Variants in HTR1A observed in about 807,000 individuals in gnomAD.
HTR1A encodes the protein 5-hydroxytryptamine receptor 1A, also known as 5-HT1a receptor.
HTR1A carries 17 observed loss-of-function variants against 24.6 expected under a neutral mutation model. The ratio of observed to expected loss-of-function variants is 0.69; its 90% CI spans 0.47 to 1.04. The LOEUF (loss-of-function observed/expected upper bound fraction) is 1.04. Among genes scored for constraint, HTR1A ranks in the 50% least tolerant of loss-of-function variants. The probability of loss-of-function intolerance (pLI) is 0.00; values close to 1 mark genes in which losing one functional copy is unlikely to be tolerated. For synonymous variants in HTR1A, 262 were observed against 244.6 expected, an observed-to-expected ratio of 1.07 and a Z score of -0.67; for missense variants, 515 against 565.1, an observed-to-expected ratio of 0.91 and a Z score of 0.90.
At position 63,961,900 on chromosome 5, in the gene HTR1A, G is replaced by A; in HGVS notation, c.-181C>T. The A allele has an allele frequency of 1.5e-6, 1 of 651,918 alleles. No individual in the cohort carries two copies. The highest frequency in any genetic ancestry group is 2.7e-6 in the Non-Finnish European group (1 of 366,770). The allele number at this position is 651,918 out of a possible 1,614,324, so 40.4% of individuals were successfully genotyped here. ...GGTATCTCCGAGGAGCAGCTTTCAG[G>A]CGCTCCCTGGGCTCTCGCAGTCCAG... On this transcript the variant is annotated 5_prime_UTR_variant, in exon 1 of 1. Coordinates refer to ENST00000323865, the MANE Select transcript of HTR1A (RefSeq NM_000524.4).
In HTR1A at chr5:63,962,120, G is replaced by A. The variant is rs1746453083; in HGVS notation, c.-401C>T. ...TCCCAGAAATATCTAGAACCGAGAAGCCCCATCCTCCACGGTCACTCTGTG... is the reference window on the plus strand; with the variant it reads ...TCCCAGAAATATCTAGAACCGAGAAACCCCATCCTCCACGGTCACTCTGTG... On this transcript the variant is annotated 5_prime_UTR_variant, in exon 1 of 1. Coordinates refer to ENST00000323865, the MANE Select transcript of HTR1A (RefSeq NM_000524.4). 3.0e-6 allele frequency: 1 copy of A among 333,092 alleles called. No individual in the cohort carries two copies. Among genetic ancestry groups the A allele is most frequent in the African/African-American group, 2.1e-5 (1 of 46,696 alleles). 20.6% of individuals were successfully genotyped at this position (333,092 alleles called of 1,614,324 possible). A position where few individuals can be genotyped will look rare whatever the true frequency, so the allele number is the denominator to read the frequency against.
rs1458107144 is a variant in HTR1A at position 63,962,116 on chromosome 5, A to G, written c.-397T>C. On this transcript the variant is annotated 5_prime_UTR_variant, in exon 1 of 1. Transcript: ENST00000323865. ...CCAATCCCAGAAATATCTAGAACCG[A>G]GAAGCCCCATCCTCCACGGTCACTC... is the stretch of plus-strand genomic sequence containing the variant. The G allele has an allele frequency of 5.9e-6, 2 of 337,010 alleles. No individual in the cohort carries two copies. Among genetic ancestry groups the G allele is most frequent in the Admixed American group, 4.3e-5 (1 of 23,078 alleles). The allele number at this position is 337,010 out of a possible 1,614,324, so 20.9% of individuals were successfully genotyped here. A position where few individuals can be genotyped will look rare whatever the true frequency, so the allele number is the denominator to read the frequency against.
Position 63,960,879 on chromosome 5 carries a change from C to T in HTR1A, c.841G>A (p.Val281Met). 2 of 1,614,016 alleles carry T rather than the reference C, an allele frequency of 1.2e-6. No homozygotes were observed. Among genetic ancestry groups the T allele is most frequent in the Non-Finnish European group, 1.7e-6 (2 of 1,179,874 alleles). ...GCGGCGCCATCGTCACCTTGCCTCACCGCGCCATTGGCGCACAGAGCACCC... is the reference window on the plus strand; with the variant it reads ...GCGGCGCCATCGTCACCTTGCCTCATCGCGCCATTGGCGCACAGAGCACCC... ...AGGALCANGA[V>M]RQGDDGAALE... Residue 281 changes from valine to methionine, a missense_variant, in exon 1 of 1, where the codon GTG (valine) becomes ATG (methionine). Around this residue, in one of 3 missense-constraint regions of HTR1A, gnomAD observed 381 missense variants for 384.5 expected, o/e 0.99. Transcript: ENST00000323865.
rs968465007 is a variant in HTR1A at position 63,958,168 on chromosome 5, T to C, written c.*2283A>G. ...AGTGTAACATACAGAAAAACTTGGT[T>C]TCTGATATGGCTTTACTTAGATTAT... On this transcript the variant is annotated 3_prime_UTR_variant, in exon 1 of 1. Transcript: ENST00000323865. 1.3e-5 allele frequency among the ~76,000 whole-genome samples: 2 copies of C among 152,252 alleles called. No individual in the cohort carries two copies. Among genetic ancestry groups the C allele is most frequent in the Admixed American group, 1.3e-4 (2 of 15,292 alleles).
Position 63,961,765 on chromosome 5 carries a change from C to A in HTR1A, c.-46G>T, listed in dbSNP as rs1431169637. On this transcript the variant is annotated 5_prime_UTR_variant, in exon 1 of 1. Transcript: ENST00000323865. ...AAGGGGGAGGGAAGAAAAAGCAGCG[C>A]GAAGATTCGCCTCGCCCCTTCCCCT... 6.2e-7 allele frequency: 1 copy of A among 1,600,736 alleles called. No homozygotes were observed.
rs1173384239 is a variant in HTR1A, at chr5:63,958,540, C to G, written c.*1911G>C. On this transcript the variant is annotated 3_prime_UTR_variant, in exon 1 of 1. Transcript: ENST00000323865. ...TCTCAAAACAGCAAATGAAAACATT[C>G]GAAAGGTACAGCTGAAGAGAGAAAA... Among the ~76,000 whole-genome samples the G allele has an allele frequency of 6.6e-6, 1 of 152,112 alleles. No individual in the cohort carries two copies. Among genetic ancestry groups the G allele is most frequent in the Non-Finnish European group, 1.5e-5 (1 of 68,028 alleles).
In HTR1A at chr5:63,959,794, T is replaced by A. The variant is rs1408537726; in HGVS notation, c.*657A>T. On this transcript the variant is annotated 3_prime_UTR_variant, in exon 1 of 1. Transcript: ENST00000323865. ...GTTGTGCACTGCACGAGAGAGTTAATCTCAAGTCTGCGAGAAGACGGGGAA... is the reference window on the plus strand; with the variant it reads ...GTTGTGCACTGCACGAGAGAGTTAAACTCAAGTCTGCGAGAAGACGGGGAA... 6.6e-6 allele frequency among the ~76,000 whole-genome samples: 1 copy of A among 152,160 alleles called. No homozygotes were observed. Among genetic ancestry groups the A allele is most frequent in the Admixed American group, 6.5e-5 (1 of 15,282 alleles).
chr5:63,960,614 G>A lies in HTR1A; in HGVS notation c.1106C>T (p.Pro369Leu), dbSNP rs765486347. 1 of 1,614,258 alleles carries A rather than the reference G, an allele frequency of 6.2e-7. No homozygotes were observed. Among genetic ancestry groups the A allele is most frequent in the South Asian group, 1.1e-5 (1 of 91,090 alleles). ...CATGTGGCAGCTGCTCTCGCAGAAG[G>A]GCAGAACAAGAGCCACGATGAAGAA... ...LPFFIVALVL[P>L]FCESSCHMPT... The change falls in exon 1 of 1, where the codon CCC (proline) becomes CTC (leucine). Residue 369 changes from proline (P) to leucine (L), a missense_variant. Physicochemically the swap from Pro to Leu is moderately conservative, Grantham distance 98. Around this residue, in one of 3 missense-constraint regions of HTR1A, gnomAD observed 381 missense variants for 384.5 expected, o/e 0.99. Coordinates refer to ENST00000323865, the MANE Select transcript of HTR1A (RefSeq NM_000524.4).
At position 63,961,445 on chromosome 5, in the gene HTR1A, A is replaced by G. The variant is rs201953609; in HGVS notation, c.275T>C (p.Met92Thr). 7.4e-6 allele frequency: 12 copies of G among 1,613,864 alleles called. No individual in the cohort carries two copies. Among genetic ancestry groups the G allele is most frequent in the Non-Finnish European group, 9.3e-6 (11 of 1,179,892 alleles). Residue 92 changes from methionine (M) to threonine (T), a missense_variant, in exon 1 of 1, where the codon ATG becomes ACG. Physicochemically the swap from Met to Thr is moderately conservative, Grantham distance 81. Transcript: ENST00000323865. Reference protein sequence around the residue: ...DLMVSVLVLPMAALYQVLNKW... With the variant: ...DLMVSVLVLPTAALYQVLNKW... ...GTTGAGCACCTGATACAGCGCGGCC[A>G]TGGGCAGCACCAACACCGACACCAT...
Position 63,962,012 on chromosome 5 carries a change from C to G in HTR1A, c.-293G>C, listed in dbSNP as rs1449616480. The G allele has an allele frequency of 3.0e-5, 15 of 499,578 alleles. No individual in the cohort carries two copies. The highest frequency in any genetic ancestry group is 5.5e-5 in the Non-Finnish European group (15 of 273,290). 30.9% of individuals were successfully genotyped at this position (499,578 alleles called of 1,614,324 possible). A position where few individuals can be genotyped will look rare whatever the true frequency, so the allele number is the denominator to read the frequency against. ...GGCGGCGGAGAGGTGGCTGGAACGTCTGTCTGTCGCTGTCCATTTTACTTT... is the reference window on the plus strand; with the variant it reads ...GGCGGCGGAGAGGTGGCTGGAACGTGTGTCTGTCGCTGTCCATTTTACTTT... On this transcript the variant is annotated 5_prime_UTR_variant, in exon 1 of 1. Transcript: ENST00000323865.
At position 63,957,989 on chromosome 5, in the gene HTR1A, A is replaced by G. The variant is rs532260208; in HGVS notation, c.*2462T>C. ...AAATATTCCAAAGCCGAAAGAACAA[A>G]TGTCCAAAAGTCATTGTCACACAAT... On this transcript the variant is annotated 3_prime_UTR_variant, in exon 1 of 1. Coordinates refer to ENST00000323865, the MANE Select transcript of HTR1A (RefSeq NM_000524.4). The G allele has an allele frequency of 6.0e-4, 91 of 152,342 alleles. No individual in the cohort carries two copies. The highest frequency in any genetic ancestry group is 1.2e-3 in the Admixed American group (19 of 15,304). The allele number at this position is 152,342 out of a possible 1,614,324, so 9.4% of individuals were successfully genotyped here.
rs1746416134 is a variant in HTR1A at position 63,960,852 on chromosome 5, G to A, written c.868C>T (p.Leu290=). The change falls in exon 1 of 1, where the codon CTG becomes TTG. Residue 290 remains leucine (L), a synonymous_variant. Transcript: ENST00000323865. ...ACTCGGTGCACCTCGATCACCTCCA[G>A]GGCGGCGCCATCGTCACCTTGCCTC... ...AVRQGDDGAA[L]EVIEVHRVGN... is the part of the protein sequence containing the mutation. The A allele has an allele frequency of 6.2e-7, 1 of 1,614,016 alleles. No individual in the cohort carries two copies. Among genetic ancestry groups the A allele is most frequent in the Admixed American group, 1.7e-5 (1 of 60,012 alleles).
At position 63,960,180 on chromosome 5, in the gene HTR1A, A is replaced by G. The variant is rs1205382768; in HGVS notation, c.*271T>C. ...GAGGCAATTACTGGGATCAAAACTGATGATACAGGCGAAGTCTGAGCCAAT... is the reference window on the plus strand; with the variant it reads ...GAGGCAATTACTGGGATCAAAACTGGTGATACAGGCGAAGTCTGAGCCAAT... On this transcript the variant is annotated 3_prime_UTR_variant, in exon 1 of 1. Coordinates refer to ENST00000323865, the MANE Select transcript of HTR1A (RefSeq NM_000524.4). Among the ~76,000 whole-genome samples the G allele has an allele frequency of 1.3e-5, 2 of 152,160 alleles. No individual in the cohort carries two copies. The highest frequency in any genetic ancestry group is 4.8e-5 in the African/African-American group (2 of 41,432).
In HTR1A at chr5:63,960,840, C is replaced by G. The variant is rs761065498; in HGVS notation, c.880G>C (p.Glu294Gln). 2.5e-6 allele frequency: 4 copies of G among 1,614,050 alleles called. No individual in the cohort carries two copies. The highest frequency in any genetic ancestry group is 3.4e-6 in the Non-Finnish European group (4 of 1,180,020). ...GDDGAALEVIEVHRVGNSKEH... is the reference protein window; with the variant it reads ...GDDGAALEVIQVHRVGNSKEH... ...TTGGAGTTGCCCACTCGGTGCACCT[C>G]GATCACCTCCAGGGCGGCGCCATCG... The change falls in exon 1 of 1, where the codon GAG becomes CAG. Residue 294 changes from glutamate (E) to glutamine (Q), a missense_variant. Glu to Gln is a conservative substitution (Grantham distance 29, BLOSUM62 2). This residue lies in a region of HTR1A where 381 missense variants were observed against 384.5 expected (regional missense o/e 0.99). Transcript: ENST00000323865.
In HTR1A at chr5:63,961,078, G is replaced by C. The variant is rs374689000; in HGVS notation, c.642C>G (p.Leu214=). The C allele has an allele frequency of 1.2e-6, 2 of 1,614,274 alleles. No homozygotes were observed. Among genetic ancestry groups the C allele is most frequent in the East Asian group, 2.2e-5 (1 of 44,864 alleles). The part of the protein sequence containing the change: ...FYIPLLLMLV[L]YGRIFRAARF... ...GCGCAGCTCGGAATATGCGCCCATAGAGAACCAGCATGAGCAGCAGCGGGA... is the reference window on the plus strand; with the variant it reads ...GCGCAGCTCGGAATATGCGCCCATACAGAACCAGCATGAGCAGCAGCGGGA... The change falls in exon 1 of 1, where the codon CTC becomes CTG. Residue 214 remains leucine (L), a synonymous_variant. Transcript: ENST00000323865.
rs1579952433 is a variant in HTR1A at position 63,957,922 on chromosome 5, A to T, written c.*2529T>A. On this transcript the variant is annotated 3_prime_UTR_variant, in exon 1 of 1. Coordinates refer to ENST00000323865, the MANE Select transcript of HTR1A (RefSeq NM_000524.4). The stretch of plus-strand genomic sequence containing the variant: ...TTTCTCTAAATTCTCTATTGCCTTG[A>T]CAATTATGCTCCAGTTGGATGTTCC... The T allele has an allele frequency of 6.6e-6, 1 of 152,214 alleles. No homozygotes were observed. Among genetic ancestry groups the T allele is most frequent in the African/African-American group, 2.4e-5 (1 of 41,466 alleles). The allele number at this position is 152,214 out of a possible 1,614,324, so 9.4% of individuals were successfully genotyped here.
rs1396274167 is a variant in HTR1A, at chr5:63,961,556, G to T, written c.164C>A (p.Ala55Glu). 1 of 1,614,096 alleles carries T rather than the reference G, an allele frequency of 6.2e-7. No homozygotes were observed. The highest frequency in any genetic ancestry group is 8.5e-7 in the Non-Finnish European group (1 of 1,180,058). Residue 55 changes from alanine (A) to glutamate (E), a missense_variant, in exon 1 of 1, where the codon GCG becomes GAG. Physicochemically the swap from Ala to Glu is moderately radical, Grantham distance 107. Around this residue, in one of 3 missense-constraint regions of HTR1A, gnomAD observed 80 missense variants for 130.8 expected, o/e 0.61. Transcript: ENST00000323865. ...CAAGGCGATGGCAGCCACCACGCAC[G>T]CATTGCCCAGCACCGCGCAGAAGAT... ...TLIFCAVLGN[A>E]CVVAAIALER...
At position 63,961,672 on chromosome 5, in the gene HTR1A, C is replaced by A. The variant is rs763047204; in HGVS notation, c.48G>T (p.Pro16=). ...TGTTGCCGCCGGTCTCAAAGGGAGC[C>A]GGTGGTGATGTGGTGTTGTTGCCCT... ...PGQGNNTTSP[P]APFETGGNTT... Residue 16 remains proline, a synonymous_variant, in exon 1 of 1, where the codon CCG becomes CCT. Transcript: ENST00000323865. 1 of 1,613,808 alleles carries A rather than the reference C, an allele frequency of 6.2e-7. No homozygotes were observed. The highest frequency in any genetic ancestry group is 8.5e-7 in the Non-Finnish European group (1 of 1,180,028).
chr5:63,960,916 C>A lies in HTR1A; in HGVS notation c.804G>T (p.Glu268Asp). ...CGCACAGAGCACCCCCAGCCTTGCT[C>A]TCCACGCCCAGCCTCCAGTTCCTGC... Reference protein sequence around the residue: ...SGSRNWRLGVESKAGGALCAN... With the variant: ...SGSRNWRLGVDSKAGGALCAN... The change falls in exon 1 of 1, where the codon GAG becomes GAT. Residue 268 changes from glutamate to aspartate, a missense_variant. Transcript: ENST00000323865. The A allele has an allele frequency of 6.2e-7, 1 of 1,614,040 alleles. No individual in the cohort carries two copies. The highest frequency in any genetic ancestry group is 8.5e-7 in the Non-Finnish European group (1 of 1,179,926).
Sources: gnomAD v4.1 joint callset for allele counts (sites outside exome capture counted in the v4.1 genomes callset) on GRCh38, gnomAD v4.1.1 for gene constraint, gnomAD v4.1.1 regional missense constraint, MANE v1.5 for transcripts, NCBI Gene and HGNC (gene_info 2026-07-23, HGNC 2026-07-21) for gene names.